RP1: variants seen among roughly 807,000 people sequenced by gnomAD.
RP1 encodes RP1 axonemal microtubule associated.
Under a neutral mutation model 14.8 loss-of-function variants are expected in RP1, and 16 were observed. The ratio of observed to expected loss-of-function variants is 1.08; its 90% CI spans 0.73 to 1.65. The LOEUF (loss-of-function observed/expected upper bound fraction) is 1.65. Ranked by LOEUF, RP1 falls within the 40% of genes most tolerant of loss-of-function variation. RP1 has a pLI of 0.00. For synonymous variants in RP1, 876 were observed against 883.6 expected, an observed-to-expected ratio of 0.99 and a Z score of 0.15; for missense variants, 2,631 against 2,535.0, an observed-to-expected ratio of 1.04 and a Z score of -0.81.
At chr8:54,790,943 A>G (rs1323378017) in intron 24 of RP1, among the ~76,000 whole-genome samples, 2 of 152,240 alleles carry the variant, frequency 1.3e-5, no homozygotes, top group Admixed American at 6.5e-5. Context: ...ATTTAAAGAA[A>G]TGATTACTGA....
At chr8:54,684,970 A>G (rs866060754) in intron 12 of RP1, among the ~76,000 whole-genome samples, 30 of 152,170 alleles carry the variant, frequency 2.0e-4, no homozygotes, top group African/African-American at 7.0e-4. Flanking sequence ...GGGGAACAAC[A>G]CTTACTGCGG....
intron 24 of RP1, among the ~76,000 whole-genome samples, chr8:54,801,811 T>A (rs928480701): frequency 6.6e-6 from 1 of 152,176 alleles, no homozygotes; most frequent in African/African-American, 2.4e-5. Flanking sequence ...CATGCTTAGG[T>A]CCTGTTTCTC....
rs144588795 is a variant in RP1, at chr8:54,667,372, T to C, written c.1323+3522T>C. Among the ~76,000 whole-genome samples, 331 of 152,214 alleles carry C rather than the reference T, an allele frequency of 2.2e-3. 2 individuals carry two copies. The highest frequency in any genetic ancestry group is 5.7e-3 in the African/African-American group (235 of 41,536). On this transcript the variant is annotated intron_variant, in intron 7 of 22. Coordinates refer to the RP1 transcript ENST00000636932. ...CTGAGAAACTGGTTTATGTCTCCCC[T>C]AACTTGGAGCCATGACAGAAAAGGC...
At chr8:54,802,536 A>G (rs1012336312) in intron 24 of RP1, among the ~76,000 whole-genome samples, 1 of 152,258 alleles carries the variant, frequency 6.6e-6, no homozygotes, top group Non-Finnish European at 1.5e-5. Context: ...AAATCTAAAT[A>G]AAATGTTTTA....
At chr8:54,824,544 G>T (rs1811337460) in intron 24 of RP1, among the ~76,000 whole-genome samples, 2 of 152,118 alleles carry the variant, frequency 1.3e-5, no homozygotes, top group Non-Finnish European at 2.9e-5. Flanking sequence ...TGGGAATACT[G>T]TCTAACTCAT....
intron 15 of RP1, among the ~76,000 whole-genome samples, chr8:54,712,810 T>C (rs1239668039): frequency 6.6e-6 from 1 of 151,976 alleles, no homozygotes; most frequent in Non-Finnish European, 1.5e-5. Flanking sequence ...GAAATAGTAT[T>C]GATACATAAC....
intron 18 of RP1, among the ~76,000 whole-genome samples, chr8:54,735,449 T>C (rs1387631753): frequency 6.6e-6 from 1 of 152,168 alleles, no homozygotes; most frequent in Non-Finnish European, 1.5e-5. Context: ...TGGTGTACTG[T>C]TAAACAGCAG....
downstream of RP1, among the ~76,000 whole-genome samples, chr8:54,635,605 G>A (rs945136287): frequency 2.0e-5 from 3 of 151,990 alleles, no homozygotes; most frequent in Non-Finnish European, 2.9e-5. Flanking sequence ...TCCATTTTTA[G>A]GATTGACATA....
At chr8:54,587,839 T>C (rs1034571626) in intron 1 of RP1, among the ~76,000 whole-genome samples, 1 of 152,230 alleles carries the variant, frequency 6.6e-6, no homozygotes, top group Non-Finnish European at 1.5e-5. Flanking sequence ...TATTTTATAA[T>C]GCATGTTTCT....
intron 12 of RP1, chr8:54,696,882 A>G: frequency 1.3e-6 from 1 of 780,052 alleles, no homozygotes; most frequent in Non-Finnish European, 2.3e-6. Context: ...AAGGTCAAGA[A>G]TAAGATCGTT....
intron 1 of RP1, among the ~76,000 whole-genome samples, chr8:54,565,118 C>T (rs528397276): frequency 6.6e-6 from 1 of 152,220 alleles, no homozygotes; most frequent in African/African-American, 2.4e-5. Context: ...GTGTCAGTTG[C>T]CTGGGATTTA....
chr8:54,627,338 G>A lies in RP1; in HGVS notation c.3456G>A (p.Lys1152=), dbSNP rs886062992. The change falls in exon 4 of 4, where the codon AAG becomes AAA. Residue 1152 remains lysine, a synonymous_variant. Coordinates refer to ENST00000220676, the MANE Select transcript of RP1 (RefSeq NM_006269.2). ...GCTTCTGTCAAGTTGATGCTCACAAGGCTACCAACAAATCTTCAGAAACAC... is the reference window on the plus strand; with the variant it reads ...GCTTCTGTCAAGTTGATGCTCACAAAGCTACCAACAAATCTTCAGAAACAC... ...MNSFCQVDAH[K]ATNKSSETLA... 5.6e-6 allele frequency: 9 copies of A among 1,614,004 alleles called. No homozygotes were observed. The East Asian group carries it at 2.0e-4, about 36-fold the overall frequency.
chr8:54,604,386 G>A (rs1343386538), intron 1 of RP1, among the ~76,000 whole-genome samples: 2 of 152,204 alleles, frequency 1.3e-5, no homozygotes, highest in African/African-American at 4.8e-5. Flanking sequence ...CAGGGATGAA[G>A]CCCACTTGAT....
chr8:54,687,919 C>A (rs1807606754), intron 12 of RP1, among the ~76,000 whole-genome samples: 1 of 152,182 alleles, frequency 6.6e-6, no homozygotes, highest in Non-Finnish European at 1.5e-5. Flanking sequence ...CTAATTTACA[C>A]TCCCACCAAC....
intron 6 of RP1, among the ~76,000 whole-genome samples, chr8:54,663,217 A>G (rs1806939398): frequency 6.6e-6 from 1 of 152,126 alleles, no homozygotes; most frequent in African/African-American, 2.4e-5. Flanking sequence ...CTGTCACAGC[A>G]TCGTAGTGCT....
chr8:54,706,661 C>A, intron 15 of RP1: 1 of 1,535,796 alleles, frequency 6.5e-7, no homozygotes, highest in Non-Finnish European at 8.7e-7. Context: ...GAACAGTAAG[C>A]ATCTGCTCTT....
chr8:54,713,418 G>A (rs1808336664), intron 15 of RP1, among the ~76,000 whole-genome samples: 1 of 152,128 alleles, frequency 6.6e-6, no homozygotes, highest in African/African-American at 2.4e-5. Flanking sequence ...AAAAAAAGAT[G>A]TAGGAATTGT....
At chr8:54,619,319 C>CA (rs1239416517) in intron 1 of RP1, among the ~76,000 whole-genome samples, 3 of 152,138 alleles carry the variant, frequency 2.0e-5, no homozygotes, top group Non-Finnish European at 2.9e-5. Context: ...AGCTTGCAAA[C>CA]ATTTAAGTAG....
chr8:54,835,760 T>A (rs1811641558), intron 24 of RP1, among the ~76,000 whole-genome samples: 1 of 152,158 alleles, frequency 6.6e-6, no homozygotes, highest in Non-Finnish European at 1.5e-5. Context: ...CAGACTCAGG[T>A]CTGTCTGATA....
Sources: allele counts gnomAD v4.1 joint callset (sites outside exome capture counted in the v4.1 genomes callset), GRCh38; gene constraint gnomAD v4.1.1; transcripts MANE v1.5; gene names NCBI Gene and HGNC (gene_info 2026-07-23, HGNC 2026-07-21).